Variants in ESRP1 observed in about 807,000 individuals in gnomAD.
ESRP1 encodes RNA-binding motif protein 35A.
A neutral mutation model predicts 81.7 loss-of-function variants in ESRP1; 33 were observed. That is an observed-to-expected ratio of 0.40 (90% CI 0.31 to 0.54). ESRP1 has a LOEUF of 0.54. Among genes scored for constraint, ESRP1 ranks in the 20% least tolerant of loss-of-function variants. ESRP1 has a pLI of 0.41. For missense variants in ESRP1, 672 were observed against 833.1 expected (o/e 0.81, Z 2.38); for synonymous variants, 320 against 303.3 (o/e 1.06, Z -0.57).
rs1047223555 is a variant in ESRP1 at position 94,664,640 on chromosome 8, T to C, written c.645-57T>C. On this transcript the variant is annotated intron_variant, in intron 6 of 15. Transcript: ENST00000433389. ...TAGGCAGTTGTCTTGCAGGGGGTAATAGGTGTCTGACTTGCTAGCATTTAT... is the reference window on the plus strand; with the variant it reads ...TAGGCAGTTGTCTTGCAGGGGGTAACAGGTGTCTGACTTGCTAGCATTTAT... The C allele has an allele frequency of 3.2e-6, 4 of 1,245,180 alleles. No individual in the cohort carries two copies. In the African/African-American group the frequency reaches 5.9e-5, roughly 18 times the overall value. The allele number at this position is 1,245,180 out of a possible 1,614,324, so 77.1% of individuals were successfully genotyped here.
At chr8:94,703,709 T>G (rs1170017002) in intron 15 of ESRP1, among the ~76,000 whole-genome samples, 1 of 152,132 alleles carries the variant, frequency 6.6e-6, no homozygotes, top group Non-Finnish European at 1.5e-5. Flanking sequence ...CCAAACTCAC[T>G]CTCTGAGATA....
chr8:94,689,231 A>T (rs2130704085), intron 13 of ESRP1, among the ~76,000 whole-genome samples: 1 of 139,972 alleles, frequency 7.1e-6, no homozygotes, highest in South Asian at 2.5e-4. Context: ...AGCCTGGGTG[A>T]TAGCGAGACT....
intron 15 of ESRP1, 123 bp from the exon 16 acceptor site, chr8:94,705,802 C>T: frequency 1.2e-6 from 1 of 834,198 alleles, no homozygotes; most frequent in East Asian, 2.7e-5. Context: ...TAACTTGGAC[C>T]ATCTTAAGGC....
chr8:94,705,717 T>G, intron 15 of ESRP1: 1 of 545,904 alleles, frequency 1.8e-6, no homozygotes. Flanking sequence ...GTGTAAACCA[T>G]GGAAACTTCC....
chr8:94,703,209 C>A (rs1275713416), intron 15 of ESRP1, among the ~76,000 whole-genome samples: 1 of 148,780 alleles, frequency 6.7e-6, no homozygotes, highest in African/African-American at 2.5e-5. Context: ...GGCTGAAGTA[C>A]AGTGGCGCAA....
intron 4 of ESRP1, among the ~76,000 whole-genome samples, chr8:94,656,672 G>A (rs1818442524): frequency 6.6e-6 from 1 of 152,032 alleles, no homozygotes; most frequent in South Asian, 2.1e-4. Context: ...TATAAGTCTG[G>A]CAGCATGAAA....
At chr8:94,689,277 A>G (rs530568198) in intron 13 of ESRP1, among the ~76,000 whole-genome samples, 29 of 148,766 alleles carry the variant, frequency 1.9e-4, no homozygotes, top group Admixed American at 8.8e-4. Context: ...AAAAAAAATC[A>G]TATTTATGAA....
rs58359551 is a variant in ESRP1 at position 94,689,811 on chromosome 8, C to CTTTTTT, written c.1821-2846_1821-2841dup. 1.1e-3 allele frequency among the ~76,000 whole-genome samples: 69 copies of CTTTTTT among 64,660 alleles called. 5 individuals are homozygous for CTTTTTT. Among genetic ancestry groups the CTTTTTT allele is most frequent in the African/African-American group, 3.4e-3 (50 of 14,516 alleles). The allele number at this position is 64,660 out of a possible 152,430, so 42.4% of individuals were successfully genotyped here. On this transcript the variant is annotated intron_variant, in intron 13 of 15. Transcript: ENST00000433389. ...CACAGGCATGTGCTATGATGCCTGG[C>CTTTTTT]TTTTTTTTTTTTTTTTTTTTTTTTT...
intron 10 of ESRP1, among the ~76,000 whole-genome samples, chr8:94,668,942 G>A (rs1310726731): frequency 2.0e-5 from 3 of 152,098 alleles, no homozygotes; most frequent in African/African-American, 7.2e-5. Flanking sequence ...ACAGCTGCCT[G>A]CCACCACACC....
intron 9 of ESRP1, among the ~76,000 whole-genome samples, chr8:94,666,441 CTG>C (rs1196774261): frequency 6.6e-6 from 1 of 152,202 alleles, no homozygotes; most frequent in African/African-American, 2.4e-5. Flanking sequence ...TTTAAAATCT[CTG>C]TATGCGCCAC....
intron 13 of ESRP1, among the ~76,000 whole-genome samples, chr8:94,687,434 T>C (rs753606423): frequency 6.6e-6 from 1 of 152,218 alleles, no homozygotes; most frequent in Non-Finnish European, 1.5e-5. Flanking sequence ...TTCTCAGTTT[T>C]CTAGGGTATA....
intron 13 of ESRP1, among the ~76,000 whole-genome samples, chr8:94,686,176 G>A (rs955944587): frequency 3.3e-5 from 5 of 152,100 alleles, no homozygotes; most frequent in South Asian, 2.1e-4. Context: ...TGATCCACCC[G>A]CCTCGGCCTC....
At chr8:94,694,928 G>A (rs904127948) in intron 14 of ESRP1, among the ~76,000 whole-genome samples, 5 of 152,176 alleles carry the variant, frequency 3.3e-5, no homozygotes, top group Admixed American at 2.6e-4. Context: ...CTAATTCAAC[G>A]TATCAAATTA....
At chr8:94,674,249 C>G (rs971410611) in intron 11 of ESRP1, 59 bp from the exon 12 acceptor site, 1 of 1,547,262 alleles carries the variant, frequency 6.5e-7, no homozygotes, top group Non-Finnish European at 8.8e-7. Flanking sequence ...TGTAAGCAAC[C>G]ATTTCCTTGT....
intron 3 of ESRP1, 31 bp from the exon 4 acceptor site, chr8:94,646,137 A>G: frequency 7.9e-7 from 1 of 1,272,138 alleles, no homozygotes; most frequent in East Asian, 2.4e-5. Flanking sequence ...AAATTCACCT[A>G]GTTAACATTA....
intron 4 of ESRP1, among the ~76,000 whole-genome samples, chr8:94,651,608 G>A (rs1264459027): frequency 6.7e-6 from 1 of 148,944 alleles, no homozygotes; most frequent in Non-Finnish European, 1.5e-5. Flanking sequence ...TGACAAAAGG[G>A]TTTAGGAATT....
chr8:94,681,096 T>C (rs1347497289), intron 13 of ESRP1, among the ~76,000 whole-genome samples: 7 of 151,306 alleles, frequency 4.6e-5, no homozygotes, highest in East Asian at 3.9e-4. Flanking sequence ...GAGGCCAAGG[T>C]GGACGGATCA....
At chr8:94,663,153 T>C (rs1021823779) in intron 6 of ESRP1, among the ~76,000 whole-genome samples, 7 of 152,202 alleles carry the variant, frequency 4.6e-5, no homozygotes, top group African/African-American at 1.7e-4. Flanking sequence ...CGATCTTTCA[T>C]TTAGAAAATT....
At chr8:94,690,217 C>G (rs533945339) in intron 13 of ESRP1, among the ~76,000 whole-genome samples, 239 of 150,840 alleles carry the variant, frequency 1.6e-3, no homozygotes, top group African/African-American at 5.6e-3. Context: ...CTAAAGTGAT[C>G]ACCCACTTTC....
Sources: gnomAD v4.1 joint callset for allele counts (sites outside exome capture counted in the v4.1 genomes callset) on GRCh38, gnomAD v4.1.1 for gene constraint, MANE v1.5 for transcripts, NCBI Gene and HGNC (gene_info 2026-07-23, HGNC 2026-07-21) for gene names.